The following GATM variants were observed in gnomAD, a reference collection of about 807,000 sequenced individuals.
GATM encodes glycine amidinotransferase.
In GATM, 23 loss-of-function variants were observed where a neutral mutation model predicts 54.2. The observed-to-expected ratio is 0.42, with a 90% confidence interval of 0.31 to 0.60. The LOEUF (loss-of-function observed/expected upper bound fraction) is 0.60, where lower values mean the gene tolerates loss of function less well. Among genes scored for constraint, GATM ranks in the 20% least tolerant of loss-of-function variants. GATM has a pLI of 0.14. For missense variants in GATM, 401 were observed against 544.9 expected (o/e 0.74, Z 2.63); for synonymous variants, 168 against 183.1 (o/e 0.92, Z 0.67).
Position 45,368,234 on chromosome 15 carries a change from T to C in GATM, c.511A>G (p.Ile171Val). ...TGLYSAMPRD[I>V]LIVVGNEIIE... ...ATCTCATTGCCCACAACTATCAGGA[T>C]GTCTCGAGGCATTGCACTGTATAAA... is the stretch of plus-strand genomic sequence containing the variant. Residue 171 changes from isoleucine (I) to valine (V), a missense_variant, in exon 4 of 9, where the codon ATC (isoleucine) becomes GTC (valine). By Grantham distance (29) the Ile-to-Val change is conservative. Around this residue, in one of 3 missense-constraint regions of GATM, gnomAD observed 321 missense variants for 457.5 expected, o/e 0.70. Coordinates refer to ENST00000396659, the MANE Select transcript of GATM (RefSeq NM_001482.3). The surrounding 1 kb of genome is among the most constrained non-coding windows in gnomAD (Gnocchi z 5.1). The C allele has an allele frequency of 6.2e-7, 1 of 1,614,030 alleles. No individual in the cohort carries two copies.
intron 3 of GATM, among the ~76,000 whole-genome samples, chr15:45,391,718 G>T (rs890098436): frequency 6.6e-6 from 1 of 152,212 alleles, no homozygotes; most frequent in Admixed American, 6.5e-5. Flanking sequence ...TCTCATAACT[G>T]AGTAACAAAT....
intron 3 of GATM, among the ~76,000 whole-genome samples, chr15:45,383,953 A>G (rs1297445309): frequency 6.6e-6 from 1 of 152,212 alleles, no homozygotes; most frequent in Non-Finnish European, 1.5e-5. Context: ...TTAGTCATCT[A>G]TGAGGTATTC....
Position 45,368,283 on chromosome 15 carries a change from G to A in GATM, c.485-23C>T. ...AACCTGTCAGACCAAAAAATTCCATGACAACTTCAGTAGTGTTAATTTCCA... is the reference window on the plus strand; with the variant it reads ...AACCTGTCAGACCAAAAAATTCCATAACAACTTCAGTAGTGTTAATTTCCA... On this transcript the variant is annotated intron_variant, in intron 3 of 8. Coordinates refer to ENST00000396659, the MANE Select transcript of GATM (RefSeq NM_001482.3). The surrounding 1 kb of genome is among the most constrained non-coding windows in gnomAD (Gnocchi z 5.1). 2 of 1,606,430 alleles carry A rather than the reference G, an allele frequency of 1.2e-6. No individual in the cohort carries two copies. Among genetic ancestry groups the A allele is most frequent in the Non-Finnish European group, 1.7e-6 (2 of 1,174,280 alleles).
At chr15:45,366,721 T>C (rs540959780) in intron 4 of GATM, among the ~76,000 whole-genome samples, 8 of 152,360 alleles carry the variant, frequency 5.3e-5, no homozygotes, top group African/African-American at 1.9e-4. Context: ...AATTTCCTGA[T>C]ACAACAGTCC....
At chr15:45,385,548 AAAT>A (rs1416256745) in intron 3 of GATM, among the ~76,000 whole-genome samples, 5 of 152,226 alleles carry the variant, frequency 3.3e-5, no homozygotes, top group African/African-American at 4.8e-5. Context: ...ATGCACCACT[AAAT>A]AATGTTTAAA....
rs1270753477 is a variant in GATM at position 45,368,899 on chromosome 15, G to C, written c.484+427C>G. Reference sequence around the variant, plus strand: ...AAACACAGCTCTTAAAGGACTATCGGTATCACAAGATAAAAATTGAGCCAA... The same window carrying C: ...AAACACAGCTCTTAAAGGACTATCGCTATCACAAGATAAAAATTGAGCCAA... On this transcript the variant is annotated intron_variant, in intron 3 of 8. Transcript: ENST00000396659. This position sits in a 1 kb window ranked among gnomAD's most constrained non-coding sequence, Gnocchi z 5.1. Among the ~76,000 whole-genome samples the C allele has an allele frequency of 6.6e-6, 1 of 152,090 alleles. No homozygotes were observed. The highest frequency in any genetic ancestry group is 1.5e-5 in the Non-Finnish European group (1 of 68,020).
intron 1 of GATM, among the ~76,000 whole-genome samples, chr15:45,401,544 C>A (rs752898595): frequency 3.4e-5 from 5 of 145,442 alleles, no homozygotes; most frequent in Admixed American, 6.9e-5. Context: ...ATTCCCTGTG[C>A]GAAAGGGAAA....
intron 3 of GATM, among the ~76,000 whole-genome samples, chr15:45,389,666 G>C (rs756944570): frequency 6.6e-6 from 1 of 152,038 alleles, no homozygotes; most frequent in Non-Finnish European, 1.5e-5. Flanking sequence ...CTGACTTCTT[G>C]TTTTTAACTT....
At chr15:45,392,715 A>G (rs1373504984) in intron 3 of GATM, among the ~76,000 whole-genome samples, 1 of 152,192 alleles carries the variant, frequency 6.6e-6, no homozygotes, top group African/African-American at 2.4e-5. Flanking sequence ...TCATCTTCAT[A>G]TCTTCACATT....
At chr15:45,394,943 ATC>A (rs1210696225) in intron 3 of GATM, among the ~76,000 whole-genome samples, 1 of 151,998 alleles carries the variant, frequency 6.6e-6, no homozygotes, top group Non-Finnish European at 1.5e-5. Context: ...AGGTCATGAG[ATC>A]TCTCTCTCCC....
chr15:45,398,643 A>G (rs1305641869), intron 2 of GATM, among the ~76,000 whole-genome samples: 4 of 152,362 alleles, frequency 2.6e-5, no homozygotes, highest in Admixed American at 1.3e-4. Flanking sequence ...CACTTACTAC[A>G]TCTACATGAG....
chr15:45,382,434 G>T (rs1438602258), upstream of GATM, among the ~76,000 whole-genome samples: 1 of 152,180 alleles, frequency 6.6e-6, no homozygotes, highest in Non-Finnish European at 1.5e-5. Context: ...GGCTGAGGTG[G>T]GTGGATCACC....
At chr15:45,366,942 G>GTA (rs1889459063) in intron 4 of GATM, among the ~76,000 whole-genome samples, 1 of 152,180 alleles carries the variant, frequency 6.6e-6, no homozygotes, top group Admixed American at 6.6e-5. Context: ...TCATAGGTAT[G>GTA]TATATATGTA....
chr15:45,384,730 A>G (rs1048757377), intron 3 of GATM, among the ~76,000 whole-genome samples: 2 of 151,596 alleles, frequency 1.3e-5, no homozygotes, highest in African/African-American at 4.9e-5. Context: ...GTTTTTTGAG[A>G]CAGAGTCTCC....
At chr15:45,364,458 C>G (rs189539107) in intron 7 of GATM, 130 of 314,758 alleles carry the variant, frequency 4.1e-4, no homozygotes, top group Non-Finnish European at 6.6e-4. Flanking sequence ...CACTTGAGCC[C>G]AGGAGTCTTG....
chr15:45,374,731 T>C (rs1199351829), intron 2 of GATM, among the ~76,000 whole-genome samples: 1 of 152,232 alleles, frequency 6.6e-6, no homozygotes, highest in Non-Finnish European at 1.5e-5. Flanking sequence ...TTCGTTTCTA[T>C]GTGAACATCA....
At chr15:45,374,827 A>G (rs989890328) in intron 2 of GATM, among the ~76,000 whole-genome samples, 5 of 152,242 alleles carry the variant, frequency 3.3e-5, no homozygotes, top group Non-Finnish European at 7.3e-5. Context: ...GAAGACCACG[A>G]CAATGCTGTT....
At chr15:45,378,010 G>C (rs538089976) in intron 1 of GATM, 1 of 196,314 alleles carries the variant, frequency 5.1e-6, no homozygotes, top group Non-Finnish European at 1.0e-5. Context: ...TTTACTAAGA[G>C]GAGCCTCCGT....
At chr15:45,392,937 A>C (rs188202497) in intron 3 of GATM, among the ~76,000 whole-genome samples, 1 of 152,358 alleles carries the variant, frequency 6.6e-6, no homozygotes, top group Non-Finnish European at 1.5e-5. Context: ...GACATAGAAC[A>C]ATCTCTAGCC....
Sources: allele counts gnomAD v4.1 joint callset (sites outside exome capture counted in the v4.1 genomes callset), GRCh38; gene constraint gnomAD v4.1.1; regional missense constraint gnomAD v4.1.1; non-coding constraint Gnocchi (gnomAD v3.1); transcripts MANE v1.5; gene names NCBI Gene and HGNC (gene_info 2026-07-23, HGNC 2026-07-21).